Variants in SRPRA observed in about 807,000 individuals in gnomAD.
The protein encoded by SRPRA is signal recognition particle receptor subunit alpha.
Under a neutral mutation model 61.1 loss-of-function variants are expected in SRPRA, and 30 were observed. The observed-to-expected ratio is 0.49, with a 90% CI of 0.37 to 0.67. The LOEUF (loss-of-function observed/expected upper bound fraction) is 0.67, where lower values mean the gene tolerates loss of function less well. Among genes scored for constraint, SRPRA ranks in the 30% least tolerant of loss-of-function variants. The pLI, the probability that SRPRA is intolerant of heterozygous loss-of-function variation, is 0.00. For synonymous variants in SRPRA, 324 were observed against 299.7 expected, an observed-to-expected ratio of 1.08 and a Z score of -0.84; for missense variants, 759 against 828.4, an observed-to-expected ratio of 0.92 and a Z score of 1.03.
chr11:126,246,813 G>A, the SRPRA span, among the ~76,000 whole-genome samples: 2 of 152,098 alleles, frequency 1.3e-5, no homozygotes, highest in African/African-American at 4.8e-5. Flanking sequence ...ATGGGAAAAG[G>A]CCCTTAGAAG....
In SRPRA at chr11:126,268,100, A is replaced by G. The variant is rs565599381; in HGVS notation, c.118-14T>C. On this transcript the variant is annotated splice_polypyrimidine_tract_variant and intron_variant, in intron 1 of 13. Coordinates refer to ENST00000332118, the MANE Select transcript of SRPRA (RefSeq NM_003139.4). Reference sequence around the variant, plus strand: ...ACCTCCCCGTTCCTGGAGAAAGAGTATGTCTCAGTGTTCAGACTATCCCCA... The same window carrying G: ...ACCTCCCCGTTCCTGGAGAAAGAGTGTGTCTCAGTGTTCAGACTATCCCCA... 6.2e-7 allele frequency: 1 copy of G among 1,612,822 alleles called. No individual in the cohort carries two copies. The highest frequency in any genetic ancestry group is 2.2e-5 in the East Asian group (1 of 44,862).
the SRPRA span, among the ~76,000 whole-genome samples, chr11:126,242,880 G>A: frequency 2.6e-5 from 4 of 152,174 alleles, no homozygotes; most frequent in Non-Finnish European, 5.9e-5. Context: ...ATACCTAAGC[G>A]AATGGAAAGC....
the SRPRA span, chr11:126,250,602 C>G: frequency 1.2e-6 from 2 of 1,613,922 alleles, no homozygotes; most frequent in South Asian, 2.2e-5. This position sits in a 1 kb window ranked among gnomAD's most constrained non-coding sequence, Gnocchi z 5.1. Context: ...AAAACAGCTA[C>G]TTCAGTCAGT....
rs1346926801 is a variant in SRPRA at position 126,266,564 on chromosome 11, C to G, written c.752G>C (p.Gly251Ala). 1.2e-6 allele frequency: 2 copies of G among 1,614,202 alleles called. No individual in the cohort carries two copies. Among genetic ancestry groups the G allele is most frequent in the Admixed American group, 3.3e-5 (2 of 60,026 alleles). The stretch of plus-strand genomic sequence containing the variant: ...CAACACTTCTTTGTTAGCACAGCCA[C>G]CCAGTTCCCACACCCGGGGTGCTTT... ...GKKAPRVWEL[G>A]GCANKEVLDY... The change falls in exon 6 of 14, where the codon GGT (glycine) becomes GCT (alanine). Residue 251 changes from glycine (G) to alanine (A), a missense_variant. This residue lies in a region of SRPRA where 475 missense variants were observed against 462.5 expected (regional missense o/e 1.03). Coordinates refer to ENST00000332118, the MANE Select transcript of SRPRA (RefSeq NM_003139.4).
At chr11:126,259,158 T>TA (rs1192022251), downstream of SRPRA, among the ~76,000 whole-genome samples, 1 of 152,240 alleles carries the variant, frequency 6.6e-6, no homozygotes, top group Non-Finnish European at 1.5e-5. Context: ...GAGTCAACCT[T>TA]ATCTTTCACC....
chr11:126,261,454 G>A, downstream of SRPRA: 1 of 1,613,964 alleles, frequency 6.2e-7, no homozygotes, highest in Non-Finnish European at 8.5e-7. Flanking sequence ...TCAGCTAAAT[G>A]GCTCATCTGC....
intron 1 of SRPRA, among the ~76,000 whole-genome samples, chr11:126,268,337 G>C (rs553441545): frequency 1.3e-5 from 2 of 152,310 alleles, no homozygotes; most frequent in East Asian, 1.9e-4. Context: ...TAAACAATCA[G>C]ATTACTAGCA....
At chr11:126,261,798 G>A (rs998059494), downstream of SRPRA, among the ~76,000 whole-genome samples, 7 of 152,020 alleles carry the variant, frequency 4.6e-5, no homozygotes, top group Non-Finnish European at 1.0e-4. Flanking sequence ...AGACCAGCCT[G>A]AGCAACATAG....
chr11:126,266,450 T>G (rs775389994), intron 6 of SRPRA, 26 bp downstream of exon 6: 1 of 1,607,002 alleles, frequency 6.2e-7, no homozygotes, highest in African/African-American at 1.3e-5. Flanking sequence ...TTGTTAAAGA[T>G]CACTTTGACC....
At chr11:126,237,215 C>CA in the SRPRA span, among the ~76,000 whole-genome samples, 10 of 43,112 alleles carry the variant, frequency 2.3e-4, no homozygotes, top group African/African-American at 7.5e-4. Flanking sequence ...CGCGCCTGGC[C>CA]TTTTTTTTTT....
At chr11:126,251,025 A>G in the SRPRA span, among the ~76,000 whole-genome samples, 1 of 152,246 alleles carries the variant, frequency 6.6e-6, no homozygotes, top group African/African-American at 2.4e-5. Flanking sequence ...AGCACTTGAC[A>G]GTATTCAGTG....
chr11:126,244,590 G>C, the SRPRA span, among the ~76,000 whole-genome samples: 2 of 152,178 alleles, frequency 1.3e-5, no homozygotes, highest in African/African-American at 4.8e-5. The surrounding 1 kb of genome is among the most constrained non-coding windows in gnomAD (Gnocchi z 4.5). Context: ...GATCACCTGA[G>C]GTCGGGAGGT....
In SRPRA at chr11:126,267,559, G is replaced by T. The variant is rs757945424; in HGVS notation, c.355C>A (p.Arg119=). The T allele has an allele frequency of 6.2e-7, 1 of 1,613,972 alleles. No individual in the cohort carries two copies. ...AGGCAGGTCTCTCACCGAAGGAGCC[G>T]CAGGAAGTCATTTTGGAAATCAAAA... The part of the protein sequence containing the change: ...GTFDFQNDFL[R]LLREAEESSK... The change falls in exon 3 of 14, where the codon CGG becomes AGG. Residue 119 remains arginine (R), a synonymous_variant. Transcript: ENST00000332118. The surrounding 1 kb of genome is among the most constrained non-coding windows in gnomAD (Gnocchi z 4.2).
the SRPRA span, among the ~76,000 whole-genome samples, chr11:126,236,521 A>G: frequency 6.6e-6 from 1 of 152,080 alleles, no homozygotes; most frequent in African/African-American, 2.4e-5. Flanking sequence ...TATAAGGATC[A>G]TTATTTTATT....
Position 126,268,813 on chromosome 11 carries a change from C to T in SRPRA, c.-9G>A, listed in dbSNP as rs772782711. On this transcript the variant is annotated 5_prime_UTR_variant, in exon 1 of 14. Transcript: ENST00000332118. ...GTGAAGAAGTCGAGCATGGCGGCAG[C>T]GGCAGAGGAGCTGGGGCCGGCGCCG... The T allele has an allele frequency of 1.9e-6, 3 of 1,609,976 alleles. No individual in the cohort carries two copies. The highest frequency in any genetic ancestry group is 2.5e-6 in the Non-Finnish European group (3 of 1,177,262).
At chr11:126,243,859 G>A in the SRPRA span, among the ~76,000 whole-genome samples, 2 of 148,318 alleles carry the variant, frequency 1.3e-5, no homozygotes, top group African/African-American at 5.0e-5. Context: ...AGCCAAGATC[G>A]CACCACTGCA....
Position 126,263,691 on chromosome 11 carries a change from C to A in SRPRA, c.*225G>T. ...GGTGCCTGAGTAGGAAGGGGGAGGC[C>A]CGCTGGGAGAGGGTCAGTGGGCAGT... On this transcript the variant is annotated 3_prime_UTR_variant, in exon 14 of 14. Coordinates refer to ENST00000332118, the MANE Select transcript of SRPRA (RefSeq NM_003139.4). 1 of 564,940 alleles carries A rather than the reference C, an allele frequency of 1.8e-6. No homozygotes were observed. 35.0% of individuals were successfully genotyped at this position (564,940 alleles called of 1,614,324 possible).
chr11:126,248,577 G>T, the SRPRA span, among the ~76,000 whole-genome samples: 48 of 151,810 alleles, frequency 3.2e-4, no homozygotes, highest in Middle Eastern at 6.8e-3. Flanking sequence ...TCACCATGTT[G>T]GCCAGGATGG....
At position 126,265,005 on chromosome 11, in the gene SRPRA, G is replaced by A; in HGVS notation, c.1479C>T (p.Gly493=). 1.2e-6 allele frequency: 2 copies of A among 1,614,170 alleles called. No homozygotes were observed. The highest frequency in any genetic ancestry group is 2.2e-5 in the South Asian group (2 of 91,084). The change falls in exon 11 of 14, where the codon GGC becomes GGT. Residue 493 remains glycine, a synonymous_variant. Transcript: ENST00000332118. This position sits in a 1 kb window ranked among gnomAD's most constrained non-coding sequence, Gnocchi z 6.3. ...CAATGCCAGCAGCATCCTTGCCATA[G>A]CCCTTTTCAAACAACTGCACCATGG... ...GRTMVQLFEK[G]YGKDAAGIAM...
Sources: gnomAD v4.1 joint callset for allele counts (sites outside exome capture counted in the v4.1 genomes callset) on GRCh38, gnomAD v4.1.1 for gene constraint, gnomAD v4.1.1 regional missense constraint, Gnocchi (gnomAD v3.1) non-coding constraint, MANE v1.5 for transcripts, NCBI Gene and HGNC (gene_info 2026-07-23, HGNC 2026-07-21) for gene names.